The following TMLHE variants were observed in gnomAD, a reference collection of about 807,000 sequenced individuals.
The protein encoded by TMLHE is trimethyllysine hydroxylase, epsilon.
In TMLHE, 18 loss-of-function variants were observed where a neutral mutation model predicts 25.7. That is an observed-to-expected ratio of 0.70 (90% CI 0.48 to 1.04). The LOEUF (loss-of-function observed/expected upper bound fraction) is 1.04, where lower values mean the gene tolerates loss of function less well. TMLHE is among the 50% of genes least tolerant of loss of function. TMLHE has a pLI of 0.00. For synonymous variants in TMLHE, 105 were observed against 97.0 expected (o/e 1.08, Z -0.49); for missense variants, 236 against 259.0 (o/e 0.91, Z 0.61).
intron 1 of TMLHE, among the ~76,000 whole-genome samples, chrX:155,550,318 A>G (rs1569562116): frequency 9.0e-6 from 1 of 111,010 alleles, no homozygotes; most frequent in East Asian, 2.8e-4. Context: ...TAATTAAACT[A>G]ATCCTAAAGT....
At chrX:155,561,132 T>C (rs1316132096) in intron 1 of TMLHE, among the ~76,000 whole-genome samples, 2 of 61,382 alleles carry the variant, frequency 3.3e-5, no homozygotes, top group African/African-American at 7.2e-5. Flanking sequence ...TAAAGAGGAA[T>C]GTATTAGTCC....
chrX:155,608,978 T>C (rs781924841), intron 1 of TMLHE, among the ~76,000 whole-genome samples: 1 of 112,157 alleles, frequency 8.9e-6, no homozygotes, highest in South Asian at 3.7e-4. Flanking sequence ...GGAAGCAGTT[T>C]GACAATTCCT....
At chrX:155,563,717 T>G (rs2067503929) in intron 1 of TMLHE, among the ~76,000 whole-genome samples, 1 of 61,169 alleles carries the variant, frequency 1.6e-5, no homozygotes, top group Non-Finnish European at 4.6e-5. Context: ...AGATACAAAT[T>G]TGGCAGTTGT....
intron 3 of TMLHE, among the ~76,000 whole-genome samples, chrX:155,523,135 C>T (rs782031657): frequency 5.4e-5 from 6 of 111,572 alleles, no homozygotes; most frequent in Admixed American, 9.5e-5. Flanking sequence ...TGTGTTTATT[C>T]GCCATCTGTA....
At chrX:155,560,608 GTAGAC>G (rs2067490560) in intron 1 of TMLHE, among the ~76,000 whole-genome samples, 1 of 53,100 alleles carries the variant, frequency 1.9e-5, no homozygotes, top group African/African-American at 4.0e-5. Context: ...CTGGGGTAAA[GTAGAC>G]TAGGCAGAGG....
chrX:155,549,160 T>G (rs1450458613), intron 1 of TMLHE, among the ~76,000 whole-genome samples: 1 of 111,384 alleles, frequency 9.0e-6, no homozygotes, highest in Non-Finnish European at 1.9e-5. Context: ...TCTCAGCATT[T>G]TCTATATAAG....
At position 155,506,865 on chromosome X, in the gene TMLHE, T is replaced by C. The variant is rs781910502; in HGVS notation, c.995+33A>G. 1.5e-5 allele frequency: 17 copies of C among 1,141,907 alleles called. No homozygotes were observed. The East Asian group carries it at 4.5e-4, about 30-fold the overall frequency. The allele number at this position is 1,141,907 out of a possible 1,213,427, so 94.1% of individuals were successfully genotyped here. ...TTAGAAGGCTAATCTTTGGCAAATA[T>C]ATTACAGTTGGGGATAGTTCTTTGA... On this transcript the variant is annotated intron_variant, in intron 6 of 7. Coordinates refer to ENST00000334398, the MANE Select transcript of TMLHE (RefSeq NM_018196.4).
intron 1 of TMLHE, among the ~76,000 whole-genome samples, chrX:155,582,627 A>G (rs2067637563): frequency 8.9e-6 from 1 of 112,048 alleles, no homozygotes; most frequent in Non-Finnish European, 1.9e-5. Flanking sequence ...ATGAGATACC[A>G]TTTCACACCA....
In TMLHE at chrX:155,576,994, C is replaced by G. The variant is rs188613564; in HGVS notation, c.-1-31717G>C. 1.3e-3 allele frequency among the ~76,000 whole-genome samples: 144 copies of G among 111,775 alleles called. 1 individual carries two copies. The highest frequency in any genetic ancestry group is 3.9e-3 in the African/African-American group (120 of 30,758). ...ATATCAAAAGCAATTGCAATGACAA[C>G]AAAAATTGACAAATGAGACCTAATT... is the stretch of plus-strand genomic sequence containing the variant. On this transcript the variant is annotated intron_variant, in intron 1 of 7. Coordinates refer to ENST00000334398, the MANE Select transcript of TMLHE (RefSeq NM_018196.4).
At chrX:155,536,016 A>G (rs1557337593) in intron 2 of TMLHE, among the ~76,000 whole-genome samples, 2 of 111,755 alleles carry the variant, frequency 1.8e-5, no homozygotes, top group African/African-American at 6.5e-5. Context: ...TCACTGCCTC[A>G]ACCCTCTTCC....
At chrX:155,601,608 A>C (rs1023599338) in intron 1 of TMLHE, among the ~76,000 whole-genome samples, 4 of 112,043 alleles carry the variant, frequency 3.6e-5, no homozygotes, top group African/African-American at 6.5e-5. Context: ...ATATAACATA[A>C]AAGAAGGTAA....
At chrX:155,525,632 A>T (rs1318797228) in intron 2 of TMLHE, among the ~76,000 whole-genome samples, 1 of 112,170 alleles carries the variant, frequency 8.9e-6, no homozygotes, top group African/African-American at 3.2e-5. Context: ...AGGGAAATTT[A>T]GGAACTTCCT....
In TMLHE at chrX:155,571,046, C is replaced by G. The variant is rs1415685969; in HGVS notation, c.-1-25769G>C. ...TTCAAAAAATTAATGAATCCAGGAG[C>G]TGGTTTTTTGAAAGGATCAACAAAA... is the stretch of plus-strand genomic sequence containing the variant. On this transcript the variant is annotated intron_variant, in intron 1 of 7. Transcript: ENST00000334398. Among the ~76,000 whole-genome samples the G allele has an allele frequency of 1.0e-3, 59 of 56,713 alleles. 16 individuals carry two copies. The highest frequency in any genetic ancestry group is 2.3e-3 in the African/African-American group (55 of 23,653). The allele number at this position is 56,713 out of a possible 115,157, so 49.2% of individuals were successfully genotyped here.
intron 5 of TMLHE, among the ~76,000 whole-genome samples, chrX:155,510,891 T>G (rs5940461): frequency 2.0e-5 from 2 of 101,916 alleles, no homozygotes; most frequent in African/African-American, 6.8e-5. Context: ...TCCTATTTCT[T>G]CACATCCTCT....
chrX:155,548,525 G>GGAATT (rs2067376501), intron 1 of TMLHE, among the ~76,000 whole-genome samples: 2 of 108,058 alleles, frequency 1.9e-5, no homozygotes, highest in Non-Finnish European at 3.8e-5. Flanking sequence ...CACAAGGTCA[G>GGAATT]CAGTATGAGG....
At chrX:155,548,612 G>A (rs1236028803) in intron 1 of TMLHE, among the ~76,000 whole-genome samples, 1 of 108,575 alleles carries the variant, frequency 9.2e-6, no homozygotes, top group Non-Finnish European at 1.9e-5. Flanking sequence ...GCACACACCT[G>A]TATTCCCAGC....
chrX:155,575,571 G>T lies in TMLHE; in HGVS notation c.-1-30294C>A, dbSNP rs1461518968. 3.0e-4 allele frequency among the ~76,000 whole-genome samples: 34 copies of T among 111,799 alleles called. No individual in the cohort carries two copies. The Admixed American group carries it at 3.2e-3, about 11-fold the overall frequency. On this transcript the variant is annotated intron_variant, in intron 1 of 7. Transcript: ENST00000334398. ...GAAAAATCACAATAGGCTGTTGAAA[G>T]CCAAAGAAAATAAGCAAGTTTCAAA...
At chrX:155,610,760 T>C (rs2067814451) in intron 1 of TMLHE, among the ~76,000 whole-genome samples, 1 of 111,374 alleles carries the variant, frequency 9.0e-6, no homozygotes, top group South Asian at 3.8e-4. Context: ...TTTAAAATAT[T>C]CAGGATGTAG....
chrX:155,516,189 C>A (rs1172204942), intron 3 of TMLHE, among the ~76,000 whole-genome samples: 1 of 37,938 alleles, frequency 2.6e-5, no homozygotes, highest in African/African-American at 9.4e-5. Flanking sequence ...CACCACAGTC[C>A]CCAGAGTGTG....
Sources: gnomAD v4.1 joint callset for allele counts (sites outside exome capture counted in the v4.1 genomes callset) on GRCh38, gnomAD v4.1.1 for gene constraint, MANE v1.5 for transcripts, NCBI Gene and HGNC (gene_info 2026-07-23, HGNC 2026-07-21) for gene names.